Variants in RALGPS2 observed in about 807,000 individuals in gnomAD.
RALGPS2 encodes the protein Ral GEF with PH domain and SH3 binding motif 2.
In RALGPS2, 43 loss-of-function variants were observed where a neutral mutation model predicts 86.8. The ratio of observed to expected loss-of-function variants is 0.50; its 90% CI spans 0.39 to 0.64. The LOEUF (loss-of-function observed/expected upper bound fraction) is 0.64, where lower values mean the gene tolerates loss of function less well. RALGPS2 is among the 30% of genes least tolerant of loss of function. The probability of loss-of-function intolerance (pLI) is 0.00; values close to 1 mark genes in which losing one functional copy is unlikely to be tolerated. For synonymous variants in RALGPS2, 243 were observed against 231.3 expected, an observed-to-expected ratio of 1.05 and a Z score of -0.46; for missense variants, 536 against 694.6, an observed-to-expected ratio of 0.77 and a Z score of 2.57.
Position 178,885,973 on chromosome 1 carries a change from A to G in RALGPS2, c.1045A>G (p.Ile349Val). ...AACTTTTTTTTCTGTTTCTAGTTTCATTCATAAAATGAACACAGCAGAATT... is the reference window on the plus strand; with the variant it reads ...AACTTTTTTTTCTGTTTCTAGTTTCGTTCATAAAATGAACACAGCAGAATT... Reference protein sequence around the residue: ...RKCHSLGYNFIHKMNTAEFKS... With the variant: ...RKCHSLGYNFVHKMNTAEFKS... The change falls in exon 13 of 20, where the codon ATT (isoleucine) becomes GTT (valine). Residue 349 changes from isoleucine to valine, a missense_variant. Physicochemically the swap from Ile to Val is conservative, Grantham distance 29. Around this residue, in one of 3 missense-constraint regions of RALGPS2, gnomAD observed 309 missense variants for 363.0 expected, o/e 0.85. Coordinates refer to ENST00000367635, the MANE Select transcript of RALGPS2 (RefSeq NM_152663.5). The G allele has an allele frequency of 1.9e-6, 3 of 1,582,664 alleles. No homozygotes were observed. Among genetic ancestry groups the G allele is most frequent in the Non-Finnish European group, 2.6e-6 (3 of 1,169,238 alleles).
At chr1:178,769,734 C>T (rs1161132932) in intron 1 of RALGPS2, among the ~76,000 whole-genome samples, 1 of 152,218 alleles carries the variant, frequency 6.6e-6, no homozygotes, top group Non-Finnish European at 1.5e-5. Flanking sequence ...GCAGCTGTAG[C>T]AGCTCTCCCC....
At chr1:178,763,387 A>G (rs1340471629) in intron 1 of RALGPS2, among the ~76,000 whole-genome samples, 2 of 152,208 alleles carry the variant, frequency 1.3e-5, no homozygotes, top group African/African-American at 2.4e-5. Flanking sequence ...GAAGAATGTC[A>G]TTGGTAGTTT....
chr1:178,887,794 C>G lies in RALGPS2; in HGVS notation c.1192+1674C>G, dbSNP rs916121640. Among the ~76,000 whole-genome samples the G allele has an allele frequency of 6.6e-5, 10 of 152,214 alleles. No individual in the cohort carries two copies. In the East Asian group the frequency reaches 1.9e-3, roughly 29 times the overall value. ...TTTAAAAAGAAGGCAAGTTTGTCAC[C>G]TGAAATACCTCTTATCAATGTTCTA... On this transcript the variant is annotated intron_variant, in intron 13 of 19. Coordinates refer to ENST00000367635, the MANE Select transcript of RALGPS2 (RefSeq NM_152663.5).
chr1:178,888,823 G>A (rs1026551779), intron 13 of RALGPS2, among the ~76,000 whole-genome samples: 2 of 152,176 alleles, frequency 1.3e-5, no homozygotes, highest in African/African-American at 4.8e-5. Flanking sequence ...GGTGTCTGAT[G>A]GATACCTTAC....
intron 1 of RALGPS2, among the ~76,000 whole-genome samples, chr1:178,726,898 T>C (rs1238407572): frequency 6.6e-6 from 1 of 152,162 alleles, no homozygotes; most frequent in Non-Finnish European, 1.5e-5. Context: ...ACAAGTGCTA[T>C]AGAACAAGTG....
chr1:178,810,161 A>G (rs1654908856), intron 5 of RALGPS2, among the ~76,000 whole-genome samples: 1 of 151,914 alleles, frequency 6.6e-6, no homozygotes, highest in East Asian at 1.9e-4. Flanking sequence ...AGGCTGGTGG[A>G]TCACCTGAGC....
At chr1:178,793,200 G>A (rs1439283356) in intron 4 of RALGPS2, among the ~76,000 whole-genome samples, 1 of 152,050 alleles carries the variant, frequency 6.6e-6, no homozygotes, top group African/African-American at 2.4e-5. Flanking sequence ...TTTATAAATT[G>A]TGCTGCTAAT....
chr1:178,827,504 C>T (rs1387906023), intron 7 of RALGPS2, among the ~76,000 whole-genome samples: 2 of 150,040 alleles, frequency 1.3e-5, no homozygotes, highest in Non-Finnish European at 1.5e-5. Flanking sequence ...ACGCCATTCT[C>T]CTGCCTCAGC....
At chr1:178,781,012 T>TTA (rs139284537) in intron 2 of RALGPS2, among the ~76,000 whole-genome samples, 1,928 of 150,188 alleles carry the variant, frequency 0.013, 69 homozygotes, top group Admixed American at 0.072. Context: ...CTTGAATATG[T>TTA]TATATATATA....
intron 19 of RALGPS2, among the ~76,000 whole-genome samples, chr1:178,915,912 T>C (rs1335011701): frequency 6.6e-6 from 1 of 152,242 alleles, no homozygotes; most frequent in African/African-American, 2.4e-5. Context: ...TTATTTTTGC[T>C]GATTTTAAAA....
chr1:178,811,269 C>T (rs372952651), intron 5 of RALGPS2, 46 bp from the exon 6 acceptor site: 6 of 1,418,544 alleles, frequency 4.2e-6, no homozygotes, highest in Non-Finnish European at 3.8e-6. Flanking sequence ...AAAAAACTTA[C>T]AAATTAAAAA....
rs760832666 is a variant in RALGPS2, at chr1:178,889,668, G to A, written c.1219G>A (p.Glu407Lys). 1 of 1,608,424 alleles carries A rather than the reference G, an allele frequency of 6.2e-7. No individual in the cohort carries two copies. Among genetic ancestry groups the A allele is most frequent in the Non-Finnish European group, 8.5e-7 (1 of 1,176,894 alleles). ...IGSSDGSELSEETSWPAFERN... is the reference protein window; with the variant it reads ...IGSSDGSELSKETSWPAFERN... ...TAGCAGCGATGGTTCTGAACTAAGT[G>A]AAGAGACCTCATGGCCTGCTTTTGA... The change falls in exon 14 of 20, where the codon GAA (glutamate) becomes AAA (lysine). Residue 407 changes from glutamate (E) to lysine (K), a missense_variant. By Grantham distance (56) the Glu-to-Lys change is moderately conservative (BLOSUM62 1). This residue lies in a region of RALGPS2 where 309 missense variants were observed against 363.0 expected (regional missense o/e 0.85). Coordinates refer to ENST00000367635, the MANE Select transcript of RALGPS2 (RefSeq NM_152663.5).
At chr1:178,729,768 C>G (rs1010580225) in intron 1 of RALGPS2, among the ~76,000 whole-genome samples, 4 of 152,214 alleles carry the variant, frequency 2.6e-5, no homozygotes, top group Admixed American at 2.0e-4. Context: ...CTGAATTTTT[C>G]TGGCCCCAAG....
At chr1:178,833,391 TA>T in intron 7 of RALGPS2, 32 bp from the exon 8 acceptor site, 1 of 1,467,772 alleles carries the variant, frequency 6.8e-7, no homozygotes, top group Non-Finnish European at 8.9e-7. Flanking sequence ...ATGAGATTTG[TA>T]AATAACTTAG....
chr1:178,838,754 T>C (rs1656420489), intron 8 of RALGPS2, among the ~76,000 whole-genome samples: 2 of 152,106 alleles, frequency 1.3e-5, no homozygotes. Flanking sequence ...GCAAAGAAGC[T>C]AAAAACCTTG....
intron 6 of RALGPS2, among the ~76,000 whole-genome samples, chr1:178,814,484 G>A (rs886406655): frequency 1.3e-5 from 2 of 152,146 alleles, no homozygotes; most frequent in East Asian, 3.9e-4. Flanking sequence ...CACCCAGGCT[G>A]AAGGCCAGTG....
At chr1:178,725,694 C>T (rs1649937133) in intron 1 of RALGPS2, 1 of 151,950 alleles carries the variant, frequency 6.6e-6, no homozygotes, top group South Asian at 2.1e-4. Flanking sequence ...GGGCGCCGTC[C>T]TGAAGCCGGG....
intron 5 of RALGPS2, among the ~76,000 whole-genome samples, chr1:178,808,591 A>G (rs776265543): frequency 6.6e-6 from 1 of 152,076 alleles, no homozygotes; most frequent in Non-Finnish European, 1.5e-5. Flanking sequence ...TGGTTTTTTC[A>G]AAGATATATA....
chr1:178,831,071 A>C lies in RALGPS2; in HGVS notation c.481-2353A>C, dbSNP rs539705053. 2.6e-5 allele frequency among the ~76,000 whole-genome samples: 4 copies of C among 152,332 alleles called. No homozygotes were observed. The South Asian group carries it at 8.3e-4, about 32-fold the overall frequency. ...ATTGCCAAAGACTAAAAATGAAATA[A>C]AAGTTAAAATGGAATAAAATTTGCC... On this transcript the variant is annotated intron_variant, in intron 7 of 19. Transcript: ENST00000367635.
Sources: allele counts gnomAD v4.1 joint callset (sites outside exome capture counted in the v4.1 genomes callset), GRCh38; gene constraint gnomAD v4.1.1; regional missense constraint gnomAD v4.1.1; transcripts MANE v1.5; gene names NCBI Gene and HGNC (gene_info 2026-07-23, HGNC 2026-07-21).